The following FSTL5 variants were observed in gnomAD, a reference collection of about 807,000 sequenced individuals.
FSTL5 encodes follistatin-related protein 5.
FSTL5 carries 62 observed loss-of-function variants against 89.1 expected under a neutral mutation model. That is an observed-to-expected ratio of 0.70 (90% CI 0.57 to 0.86). The LOEUF (loss-of-function observed/expected upper bound fraction) is 0.86. Ranked by LOEUF, FSTL5 falls within the 40% of genes least tolerant of loss-of-function variation. FSTL5 has a pLI of 0.00. For missense variants in FSTL5, 1,057 were observed against 1,001.6 expected (o/e 1.06, Z -0.75); for synonymous variants, 383 against 346.2 (o/e 1.11, Z -1.18).
At chr4:161,470,192 A>C (rs914056368) in intron 13 of FSTL5, among the ~76,000 whole-genome samples, 2 of 152,038 alleles carry the variant, frequency 1.3e-5, no homozygotes, top group African/African-American at 2.4e-5. Context: ...AATAGCATAA[A>C]TTTTTTGCTC....
chr4:161,512,276 T>C (rs1730677402), intron 10 of FSTL5, among the ~76,000 whole-genome samples: 2 of 152,078 alleles, frequency 1.3e-5, no homozygotes, highest in African/African-American at 2.4e-5. Context: ...GTACCTAACA[T>C]GTGTTAGATG....
At chr4:161,900,192 C>A (rs780978281) in intron 4 of FSTL5, among the ~76,000 whole-genome samples, 22 of 151,552 alleles carry the variant, frequency 1.5e-4, no homozygotes, top group Non-Finnish European at 2.8e-4. Flanking sequence ...GAGGCTCTGT[C>A]TCAAAAAGAA....
At chr4:161,836,737 T>G (rs1442247407) in intron 4 of FSTL5, among the ~76,000 whole-genome samples, 1 of 151,998 alleles carries the variant, frequency 6.6e-6, no homozygotes, top group Admixed American at 6.6e-5. Context: ...ATTGTGAAAT[T>G]TTTTATTAAA....
rs185020365 is a variant in FSTL5, at chr4:162,009,496, G to C, written c.160+24129C>G. 2.6e-5 allele frequency among the ~76,000 whole-genome samples: 4 copies of C among 152,016 alleles called. No individual in the cohort carries two copies. In the East Asian group the frequency reaches 7.7e-4, roughly 29 times the overall value. The stretch of plus-strand genomic sequence containing the variant: ...CAGTAGGAACCTGCATAATGCAAAA[G>C]GCTACAATTATAAAATATGCCACCC... On this transcript the variant is annotated intron_variant, in intron 3 of 15. Coordinates refer to ENST00000306100, the MANE Select transcript of FSTL5 (RefSeq NM_020116.5).
chr4:161,949,580 T>G (rs774328386), intron 3 of FSTL5, among the ~76,000 whole-genome samples: 2 of 152,010 alleles, frequency 1.3e-5, no homozygotes, highest in African/African-American at 2.4e-5. Flanking sequence ...CTTTCTTTCC[T>G]CCTTTTTGAA....
rs191951813 is a variant in FSTL5 at position 162,081,487 on chromosome 4, A to T, written c.126+29784T>A. On this transcript the variant is annotated intron_variant, in intron 2 of 15. Coordinates refer to ENST00000306100, the MANE Select transcript of FSTL5 (RefSeq NM_020116.5). ...TGATAAATTAAACAATATATATATA[A>T]AATAATAATCACAGTCAAACTTTTG... 1.7e-4 allele frequency among the ~76,000 whole-genome samples: 26 copies of T among 151,738 alleles called. No individual in the cohort carries two copies. In the East Asian group the frequency reaches 2.1e-3, roughly 12 times the overall value.
chr4:161,817,957 AC>A (rs1331224966), intron 4 of FSTL5, among the ~76,000 whole-genome samples: 4 of 152,094 alleles, frequency 2.6e-5, no homozygotes, highest in Admixed American at 2.0e-4. Context: ...CTCGGGGTCC[AC>A]CCCCACGGAC....
chr4:161,484,383 T>C lies in FSTL5; in HGVS notation c.1459-3214A>G, dbSNP rs540793272. The stretch of plus-strand genomic sequence containing the variant: ...CTCATCCTTCTATCTAAAAGATGTG[T>C]CCACTACTCCTTACTTTCAGAAATA... On this transcript the variant is annotated intron_variant, in intron 12 of 15. Transcript: ENST00000306100. Among the ~76,000 whole-genome samples the C allele has an allele frequency of 7.9e-5, 12 of 152,320 alleles. No homozygotes were observed. In the South Asian group the frequency reaches 2.1e-3, roughly 26 times the overall value.
chr4:161,982,447 A>G (rs1735850281), intron 3 of FSTL5, among the ~76,000 whole-genome samples: 2 of 152,238 alleles, frequency 1.3e-5, no homozygotes, highest in South Asian at 4.1e-4. Context: ...TCTTAAACAT[A>G]TAGTTACAGG....
At chr4:161,720,157 A>G (rs968195159) in intron 6 of FSTL5, among the ~76,000 whole-genome samples, 10 of 151,942 alleles carry the variant, frequency 6.6e-5, no homozygotes, top group African/African-American at 2.4e-4. Context: ...CATAGTTGAT[A>G]AAATGTTAAT....
chr4:161,817,854 G>A (rs151113365), intron 4 of FSTL5, among the ~76,000 whole-genome samples: 3 of 152,316 alleles, frequency 2.0e-5, no homozygotes, highest in Admixed American at 1.3e-4. Flanking sequence ...TATTTATATA[G>A]AAGTACTGGG....
intron 3 of FSTL5, among the ~76,000 whole-genome samples, chr4:161,993,024 GT>G (rs1459040260): frequency 2.0e-5 from 3 of 148,422 alleles, no homozygotes; most frequent in African/African-American, 7.4e-5. Context: ...AGGCGGAGGG[GT>G]GTGGAGGGGC....
At chr4:161,433,595 A>G (rs1199551248) in intron 15 of FSTL5, among the ~76,000 whole-genome samples, 1 of 152,166 alleles carries the variant, frequency 6.6e-6, no homozygotes, top group African/African-American at 2.4e-5. Flanking sequence ...AAGGGCATTC[A>G]AATTACAAAG....
At chr4:161,508,507 T>A (rs2126496818) in intron 11 of FSTL5, among the ~76,000 whole-genome samples, 1 of 152,280 alleles carries the variant, frequency 6.6e-6, no homozygotes, top group Non-Finnish European at 1.5e-5. Context: ...CATAAGAACA[T>A]TATTCTTGAT....
In FSTL5 at chr4:161,977,584, G is replaced by T. The variant is rs11100397; in HGVS notation, c.160+56041C>A. ...GCCGAGATCACGCCACTGCACTCCA[G>T]CCTGGGCGACACAGCGAGACTCCGT... On this transcript the variant is annotated intron_variant, in intron 3 of 15. Coordinates refer to ENST00000306100, the MANE Select transcript of FSTL5 (RefSeq NM_020116.5). 8.0e-5 allele frequency among the ~76,000 whole-genome samples: 11 copies of T among 138,108 alleles called. No homozygotes were observed. In the South Asian group the frequency reaches 1.6e-3, roughly 20 times the overall value. The allele number at this position is 138,108 out of a possible 152,430, so 90.6% of individuals were successfully genotyped here. A position where few individuals can be genotyped will look rare whatever the true frequency, so the allele number is the denominator to read the frequency against.
chr4:161,546,137 G>A (rs1053659529), intron 8 of FSTL5, among the ~76,000 whole-genome samples: 1 of 151,202 alleles, frequency 6.6e-6, no homozygotes, highest in Non-Finnish European at 1.5e-5. Flanking sequence ...ATTAGATACA[G>A]CTGAAGAAGA....
chr4:161,881,653 A>G (rs924335927), intron 4 of FSTL5, among the ~76,000 whole-genome samples: 1 of 152,080 alleles, frequency 6.6e-6, no homozygotes, highest in Non-Finnish European at 1.5e-5. Flanking sequence ...TTCTACTAAT[A>G]ACAAGAAGGA....
chr4:161,459,381 A>G, intron 13 of FSTL5, 62 bp from the exon 14 acceptor site: 1 of 977,702 alleles, frequency 1.0e-6, no homozygotes, highest in Non-Finnish European at 1.6e-6. Flanking sequence ...AAGCTAGGCC[A>G]GAAATTATGA....
intron 9 of FSTL5, among the ~76,000 whole-genome samples, chr4:161,541,060 AC>A (rs1731804096): frequency 6.6e-6 from 1 of 152,124 alleles, no homozygotes; most frequent in African/African-American, 2.4e-5. Context: ...TGCCACAGAT[AC>A]TAAATTAGTG....
Sources: allele counts gnomAD v4.1 joint callset (sites outside exome capture counted in the v4.1 genomes callset), GRCh38; gene constraint gnomAD v4.1.1; transcripts MANE v1.5; gene names NCBI Gene and HGNC (gene_info 2026-07-23, HGNC 2026-07-21).